The following MYLK3 variants were observed in gnomAD, a reference collection of about 807,000 sequenced individuals.
MYLK3 encodes myosin light chain kinase 3.
MYLK3 carries 55 observed loss-of-function variants against 76.3 expected under a neutral mutation model. The ratio of observed to expected loss-of-function variants is 0.72; its 90% confidence interval spans 0.58 to 0.90. MYLK3 has a LOEUF of 0.90. Among genes scored for constraint, MYLK3 ranks in the 40% least tolerant of loss-of-function variants. MYLK3 has a pLI of 0.00. For missense variants in MYLK3, 973 were observed against 1,053.6 expected (o/e 0.92, Z 1.06); for synonymous variants, 416 against 425.4 (o/e 0.98, Z 0.27).
In MYLK3 at chr16:46,761,109, G is replaced by A. The variant is rs143392449; in HGVS notation, c.-114+1931C>T. 5.9e-3 allele frequency among the ~76,000 whole-genome samples: 896 copies of A among 152,298 alleles called. 6 individuals carry two copies. The highest frequency in any genetic ancestry group is 9.6e-3 in the Non-Finnish European group (656 of 68,032). On this transcript the variant is annotated intron_variant, in intron 1 of 11. Coordinates refer to the MYLK3 transcript ENST00000536476. ...ACTTCTTGGAGGAAATGGGACTTGA[G>A]CTGAGCCTTGAATGATGGGCAAGAC...
At chr16:46,726,701 GAAAGAA>G in intron 8 of MYLK3, 1 of 134,118 alleles carries the variant, frequency 7.5e-6, no homozygotes, top group Non-Finnish European at 1.6e-5. Flanking sequence ...AAGAAAGAAA[GAAAGAA>G]AGAAAGAAAG....
chr16:46,726,654 G>C (rs28609411), intron 8 of MYLK3: 1 of 42,102 alleles, frequency 2.4e-5, no homozygotes, highest in African/African-American at 6.1e-5. Context: ...AAGAAAGAAA[G>C]AAGAAAGAAA....
intron 1 of MYLK3, among the ~76,000 whole-genome samples, chr16:46,745,159 C>T (rs191865072): frequency 2.0e-5 from 3 of 152,300 alleles, no homozygotes; most frequent in Non-Finnish European, 4.4e-5. Context: ...TATAAATTTA[C>T]CATTTGGCTT....
Position 46,721,074 on chromosome 16 carries a change from A to G in MYLK3, c.1985+49T>C, listed in dbSNP as rs765638740. 3 of 1,538,846 alleles carry G rather than the reference A, an allele frequency of 1.9e-6. No individual in the cohort carries two copies. The South Asian group carries it at 3.4e-5, about 17-fold the overall frequency. ...GGAGTAACCATGCCCAGAGAGCCAC[A>G]AAGAGTCCCAAGGAATTTTGTTAAG... On this transcript the variant is annotated intron_variant, in intron 9 of 12. Coordinates refer to ENST00000394809, the MANE Select transcript of MYLK3 (RefSeq NM_182493.3).
At chr16:46,757,334 C>T (rs145041731) in intron 1 of MYLK3, 1 of 973,442 alleles carries the variant, frequency 1.0e-6, no homozygotes, top group East Asian at 1.1e-4. Context: ...CGGGGAACAA[C>T]TGTCACCAGG....
At chr16:46,722,049 A>G (rs919911560) in intron 8 of MYLK3, among the ~76,000 whole-genome samples, 1 of 152,112 alleles carries the variant, frequency 6.6e-6, no homozygotes, top group Non-Finnish European at 1.5e-5. Context: ...CCATGGCATG[A>G]GGGTGGCAGC....
intron 1 of MYLK3, among the ~76,000 whole-genome samples, chr16:46,761,911 G>GAAAAAAAAAAAAA (rs11309990): frequency 7.0e-6 from 1 of 142,732 alleles, no homozygotes. Flanking sequence ...CTGCTAGCAT[G>GAAAAAAAAAAAAA]AAAAAAAAAA....
At chr16:46,722,909 A>C (rs928907560) in intron 8 of MYLK3, among the ~76,000 whole-genome samples, 1 of 152,154 alleles carries the variant, frequency 6.6e-6, no homozygotes, top group Admixed American at 6.5e-5. Flanking sequence ...ACGGGGTTTC[A>C]CCATGTTGGC....
chr16:46,728,412 A>G (rs1222185872), intron 7 of MYLK3, among the ~76,000 whole-genome samples: 1 of 152,226 alleles, frequency 6.6e-6, no homozygotes, highest in Non-Finnish European at 1.5e-5. Context: ...CCAATGGTTA[A>G]CAACAAATCC....
chr16:46,754,548 C>T (rs1967173016), intron 1 of MYLK3, among the ~76,000 whole-genome samples: 1 of 152,078 alleles, frequency 6.6e-6, no homozygotes, highest in African/African-American at 2.4e-5. Flanking sequence ...CATGGGATAC[C>T]CTGGGCCACC....
intron 1 of MYLK3, among the ~76,000 whole-genome samples, chr16:46,745,550 C>T (rs1967006852): frequency 6.6e-6 from 1 of 152,150 alleles, no homozygotes. Context: ...TCAAGACCAG[C>T]CTGGCCAACA....
In MYLK3 at chr16:46,747,863, G is replaced by T; in HGVS notation, c.331C>A (p.Leu111Met). The T allele has an allele frequency of 6.2e-7, 1 of 1,614,130 alleles. No homozygotes were observed. Among genetic ancestry groups the T allele is most frequent in the Non-Finnish European group, 8.5e-7 (1 of 1,180,030 alleles). ...QQDAAQHGAR[L>M]EALFRMVAAV... ...GCCACCATCCTGAAGAGGGCCTCCA[G>T]CCTGGCACCGTGCTGGGCCGCATCC... Residue 111 changes from leucine (L) to methionine (M), a missense_variant, in exon 1 of 13, where the codon CTG (leucine) becomes ATG (methionine). Physicochemically the swap from Leu to Met is conservative, Grantham distance 15 (BLOSUM62 2). This residue lies in a region of MYLK3 where 641 missense variants were observed against 637.0 expected (regional missense o/e 1.01). Transcript: ENST00000394809.
upstream of MYLK3, among the ~76,000 whole-genome samples, chr16:46,750,959 C>A (rs568523925): frequency 7.9e-5 from 12 of 152,258 alleles, no homozygotes; most frequent in South Asian, 2.1e-4. Flanking sequence ...CGCCATTGCA[C>A]TCCAGCCTGG....
At chr16:46,747,214 G>A (rs1176993271) in intron 1 of MYLK3, among the ~76,000 whole-genome samples, 1 of 152,166 alleles carries the variant, frequency 6.6e-6, no homozygotes, top group East Asian at 1.9e-4. Context: ...CCTGCCTGCT[G>A]TCCCCCTGGG....
In MYLK3 at chr16:46,738,067, G is replaced by A. The variant is rs1179857565; in HGVS notation, c.645C>T (p.Asp215=). Residue 215 remains aspartate (D), a synonymous_variant, in exon 3 of 13, where the codon GAC becomes GAT. Transcript: ENST00000394809. ...CCGGTGAGACCACTGCCTGGGCGGG[G>A]TCAGCTCCCAGCCCTGACGCTCTGA... ...PPIRASGLGA[D]PAQAVVSPGQ... The A allele has an allele frequency of 1.9e-6, 3 of 1,605,490 alleles. No individual in the cohort carries two copies. Among genetic ancestry groups the A allele is most frequent in the African/African-American group, 1.3e-5 (1 of 74,854 alleles).
At position 46,707,350 on chromosome 16, in the gene MYLK3, C is replaced by T. The variant is rs1966636467; in HGVS notation, c.*354G>A. On this transcript the variant is annotated 3_prime_UTR_variant, in exon 13 of 13. Coordinates refer to ENST00000394809, the MANE Select transcript of MYLK3 (RefSeq NM_182493.3). ...GGAGATAACACTGAATAACATGGCC[C>T]CTGCAAAGTAGTCTACTGAGTTCCT... 5.6e-6 allele frequency: 1 copy of T among 178,738 alleles called. No individual in the cohort carries two copies. Among genetic ancestry groups the T allele is most frequent in the Non-Finnish European group, 1.2e-5 (1 of 85,986 alleles). The allele number at this position is 178,738 out of a possible 1,614,324, so 11.1% of individuals were successfully genotyped here. A position where few individuals can be genotyped will look rare whatever the true frequency, so the allele number is the denominator to read the frequency against.
intron 9 of MYLK3, among the ~76,000 whole-genome samples, chr16:46,715,434 A>G (rs1003658004): frequency 1.1e-4 from 16 of 152,208 alleles, no homozygotes; most frequent in African/African-American, 3.9e-4. Flanking sequence ...CAAAATATCC[A>G]TCAAAACGCT....
At chr16:46,744,888 C>A (rs1362902957) in intron 1 of MYLK3, among the ~76,000 whole-genome samples, 1 of 151,780 alleles carries the variant, frequency 6.6e-6, no homozygotes, top group Non-Finnish European at 1.5e-5. Flanking sequence ...ATGATAGTAT[C>A]AAGATTATGT....
intron 1 of MYLK3, among the ~76,000 whole-genome samples, chr16:46,740,536 C>CATATATATATATATATATACATACATAT (rs370327693): frequency 1.1e-5 from 1 of 93,666 alleles, no homozygotes; most frequent in Admixed American, 1.3e-4. Context: ...TATATACATA[C>CATATATATATATATATATACATACATAT]ATATATATAT....
Sources: allele counts gnomAD v4.1 joint callset (sites outside exome capture counted in the v4.1 genomes callset), GRCh38; gene constraint gnomAD v4.1.1; regional missense constraint gnomAD v4.1.1; transcripts MANE v1.5; gene names NCBI Gene and HGNC (gene_info 2026-07-23, HGNC 2026-07-21).